Variants in LMTK3 observed in about 807,000 individuals in gnomAD.
The protein encoded by LMTK3 is lemur tail kinase 3, also known as serine/threonine-protein kinase LMTK3.
In LMTK3, 27 loss-of-function variants were observed where a neutral mutation model predicts 116.7. The observed-to-expected ratio is 0.23, with a 90% confidence interval of 0.17 to 0.32. The LOEUF is 0.32. Ranked by LOEUF, LMTK3 falls within the 10% of genes least tolerant of loss-of-function variation. LMTK3 has a pLI of 1.00. For synonymous variants in LMTK3, 965 were observed against 971.0 expected, an observed-to-expected ratio of 0.99 and a Z score of 0.11; for missense variants, 1,764 against 2,068.5, an observed-to-expected ratio of 0.85 and a Z score of 2.86.
chr19:48,512,733 TAC>T, upstream of LMTK3, among the ~76,000 whole-genome samples: 1 of 151,702 alleles, frequency 6.6e-6, no homozygotes, highest in African/African-American at 2.4e-5. Flanking sequence ...CTCACATGGA[TAC>T]ACACAGACAC....
chr19:48,486,573 T>C (rs1397699680), intron 14 of LMTK3, among the ~76,000 whole-genome samples: 2 of 152,092 alleles, frequency 1.3e-5, no homozygotes, highest in Admixed American at 6.6e-5. Context: ...AGTCTTGCTC[T>C]GTTGCCCAGA....
At chr19:48,503,400 C>T (rs1972506703) in intron 5 of LMTK3, among the ~76,000 whole-genome samples, 1 of 151,992 alleles carries the variant, frequency 6.6e-6, no homozygotes, top group Non-Finnish European at 1.5e-5. Flanking sequence ...TCTCCTCGAC[C>T]ACACCCCACT....
chr19:48,503,101 T>TTATG (rs1053633496), intron 5 of LMTK3, 105 bp from the exon 6 acceptor site: 6 of 732,358 alleles, frequency 8.2e-6, no homozygotes, highest in African/African-American at 1.8e-5. Context: ...TTTTTGTTGT[T>TTATG]TTTGTTTGTT....
intron 14 of LMTK3, among the ~76,000 whole-genome samples, chr19:48,486,649 T>G (rs1972129679): frequency 6.6e-6 from 1 of 151,992 alleles, no homozygotes; most frequent in South Asian, 2.1e-4. Context: ...GCCATTCTCC[T>G]GCCTCAGCTT....
rs749898421 is a variant in LMTK3, at chr19:48,498,237, C to T, written c.2832G>A (p.Ala944=). The part of the protein sequence containing the change: ...QRAPGIEEKA[A]ENGALGSPER... ...CGGGGGACCCCAGGGCCCCATTCTCCGCCGCCTTCTCCTCGATGCCTGGGG... is the reference window on the plus strand; with the variant it reads ...CGGGGGACCCCAGGGCCCCATTCTCTGCCGCCTTCTCCTCGATGCCTGGGG... The change falls in exon 11 of 15, where the codon GCG becomes GCA. Residue 944 remains alanine (A), a synonymous_variant. Coordinates refer to ENST00000600059, the MANE Select transcript of LMTK3 (RefSeq NM_001388485.1). 20 of 1,613,236 alleles carry T rather than the reference C, an allele frequency of 1.2e-5. No homozygotes were observed. The highest frequency in any genetic ancestry group is 1.0e-4 in the Admixed American group (6 of 59,958).
Position 48,498,296 on chromosome 19 carries a change from C to T in LMTK3, c.2773G>A (p.Gly925Arg), listed in dbSNP as rs1375564964. Residue 925 changes from glycine (G) to arginine (R), a missense_variant, in exon 11 of 15, where the codon GGG (glycine) becomes AGG (arginine). Gly to Arg is a moderately radical substitution (Grantham distance 125). Transcript: ENST00000600059. ...QAPSLSLPVN[G>R]VTVLENGDQR... ...TCCCCGTTCTCCAGCACTGTCACCC[C>T]GTTCACTGGGAGGCTCAGGCTTGGG... 3 of 1,613,230 alleles carry T rather than the reference C, an allele frequency of 1.9e-6. No individual in the cohort carries two copies. The highest frequency in any genetic ancestry group is 1.1e-5 in the South Asian group (1 of 91,054).
In LMTK3 at chr19:48,485,674, AGGC is replaced by A. The variant is rs1972109848; in HGVS notation, c.*96_*98del. On this transcript the variant is annotated 3_prime_UTR_variant, in exon 15 of 15. Transcript: ENST00000600059. ...GGCCCAGCCTCGGGGGCCTCCCCAGAGGCGGCGTCTGCGGTGGTGGCAGTGGCG... is the reference window on the plus strand; with the variant it reads ...GGCCCAGCCTCGGGGGCCTCCCCAGAGGCGTCTGCGGTGGTGGCAGTGGCG... The A allele has an allele frequency of 1.5e-6, 2 of 1,366,632 alleles. No homozygotes were observed. Among genetic ancestry groups the A allele is most frequent in the Non-Finnish European group, 2.0e-6 (2 of 979,906 alleles). 84.7% of individuals were successfully genotyped at this position (1,366,632 alleles called of 1,614,324 possible).
chr19:48,496,568 G>A (rs555008930), intron 11 of LMTK3, among the ~76,000 whole-genome samples: 91 of 152,306 alleles, frequency 6.0e-4, no homozygotes, highest in South Asian at 1.2e-3. Flanking sequence ...CAAAGTGCTG[G>A]GATTACAGGC....
chr19:48,501,203 C>T, intron 9 of LMTK3, 58 bp from the exon 10 acceptor site: 1 of 1,605,204 alleles, frequency 6.2e-7, no homozygotes, highest in Admixed American at 1.7e-5. Context: ...CCTCATTTTC[C>T]CCATCTGTAG....
At chr19:48,509,940 C>T in intron 3 of LMTK3, 83 bp downstream of exon 3, 2 of 1,510,962 alleles carry the variant, frequency 1.3e-6, no homozygotes, top group Non-Finnish European at 1.8e-6. Flanking sequence ...TCTCAACCGC[C>T]CCAGCCCCTG....
rs1216441417 is a variant in LMTK3 at position 48,508,836 on chromosome 19, A to G, written c.557+15T>C. 6.3e-7 allele frequency: 1 copy of G among 1,599,900 alleles called. No homozygotes were observed. Among genetic ancestry groups the G allele is most frequent in the East Asian group, 2.2e-5 (1 of 44,820 alleles). ...ACCTCAACAAGGCACACACCCACTG[A>G]GAAACCCTCAGTACCTGTACGGCTG... On this transcript the variant is annotated intron_variant, in intron 5 of 14. Coordinates refer to ENST00000600059, the MANE Select transcript of LMTK3 (RefSeq NM_001388485.1).
chr19:48,507,438 T>A (rs1601057435), intron 5 of LMTK3, among the ~76,000 whole-genome samples: 1 of 152,266 alleles, frequency 6.6e-6, no homozygotes, highest in East Asian at 1.9e-4. Context: ...CTGCTGCTAG[T>A]AGAGACCTGC....
rs747399561 is a variant in LMTK3 at position 48,501,414 on chromosome 19, C to A, written c.880-10G>T. 6.3e-5 allele frequency: 101 copies of A among 1,612,836 alleles called. No homozygotes were observed. In the South Asian group the frequency reaches 1.1e-3, roughly 17 times the overall value. On this transcript the variant is annotated splice_polypyrimidine_tract_variant and intron_variant, in intron 8 of 14. Coordinates refer to ENST00000600059, the MANE Select transcript of LMTK3 (RefSeq NM_001388485.1). ...TCAGGTAGTAGTCCTCCTGAGGGAACCAGGGCGGTGTCAGGCGGGTCAGGG... is the reference window on the plus strand; with the variant it reads ...TCAGGTAGTAGTCCTCCTGAGGGAAACAGGGCGGTGTCAGGCGGGTCAGGG...
In LMTK3 at chr19:48,497,489, C is replaced by G; in HGVS notation, c.3580G>C (p.Asp1194His). 1 of 1,484,184 alleles carries G rather than the reference C, an allele frequency of 6.7e-7. No homozygotes were observed. The highest frequency in any genetic ancestry group is 1.4e-5 in the South Asian group (1 of 71,544). 91.9% of individuals were successfully genotyped at this position (1,484,184 alleles called of 1,614,324 possible). A position where few individuals can be genotyped will look rare whatever the true frequency, so the allele number is the denominator to read the frequency against. Reference protein sequence around the residue: ...RAGGDTALSGDGDPPKPERKG... With the variant: ...RAGGDTALSGHGDPPKPERKG... ...CTCTCGGGCTTGGGGGGGTCCCCGT[C>G]TCCGCTGAGTGCCGTGTCTCCGCCG... The change falls in exon 11 of 15, where the codon GAC (aspartate) becomes CAC (histidine). Residue 1194 changes from aspartate (D) to histidine (H), a missense_variant. Around this residue, in one of 7 missense-constraint regions of LMTK3, gnomAD observed 1,028 missense variants for 1,050.6 expected, o/e 0.98. Transcript: ENST00000600059. This position sits in a 1 kb window ranked among gnomAD's most constrained non-coding sequence, Gnocchi z 5.7.
rs1047088493 is a variant in LMTK3, at chr19:48,500,926, G to A, written c.1151+70C>T. ...ACGGGATGTGGGTGATGTGGGAAAC[G>A]AGGGGGGATGCTGGGACCATCCTGG... On this transcript the variant is annotated intron_variant, in intron 10 of 14. Coordinates refer to ENST00000600059, the MANE Select transcript of LMTK3 (RefSeq NM_001388485.1). This position sits in a 1 kb window ranked among gnomAD's most constrained non-coding sequence, Gnocchi z 4.0. The A allele has an allele frequency of 1.3e-5, 18 of 1,407,322 alleles. No homozygotes were observed. Among genetic ancestry groups the A allele is most frequent in the Middle Eastern group, 2.6e-4 (1 of 3,836 alleles). 87.2% of individuals were successfully genotyped at this position (1,407,322 alleles called of 1,614,324 possible).
chr19:48,510,447 C>A lies in LMTK3; in HGVS notation c.210+12G>T. 2 of 1,591,184 alleles carry A rather than the reference C, an allele frequency of 1.3e-6. No individual in the cohort carries two copies. The highest frequency in any genetic ancestry group is 2.3e-5 in the East Asian group (1 of 43,882). ...TCTTCCTCCCCAAGTTGAATCCCCT[C>A]ATGCACCTCACCTTGAAGCCGACAT... On this transcript the variant is annotated intron_variant, in intron 2 of 14. Coordinates refer to ENST00000600059, the MANE Select transcript of LMTK3 (RefSeq NM_001388485.1).
In LMTK3 at chr19:48,491,119, G is replaced by T. The variant is rs764330601; in HGVS notation, c.4355C>A (p.Ala1452Asp). 4 of 1,373,054 alleles carry T rather than the reference G, an allele frequency of 2.9e-6. No homozygotes were observed. The highest frequency in any genetic ancestry group is 3.1e-5 in the Admixed American group (1 of 31,794). 85.1% of individuals were successfully genotyped at this position (1,373,054 alleles called of 1,614,324 possible). ...CGAGGATATGGTACCTGCGGGCCGG[G>T]CGTCGGGGGCCCGGGCGGGTGGCCC... The part of the protein sequence containing the change: ...TPGPPARAPD[A>D]RPAGPVEN Residue 1452 changes from alanine to aspartate, a missense_variant, in exon 14 of 15, where the codon GCC (alanine) becomes GAC (aspartate). Physicochemically the swap from Ala to Asp is moderately radical, Grantham distance 126. Transcript: ENST00000600059. The surrounding 1 kb of genome is among the most constrained non-coding windows in gnomAD (Gnocchi z 5.1).
chr19:48,506,299 C>T (rs956310088), intron 5 of LMTK3, among the ~76,000 whole-genome samples: 6 of 151,116 alleles, frequency 4.0e-5, no homozygotes, highest in African/African-American at 1.5e-4. Context: ...TGTGTGTCTT[C>T]TCCACTAGGG....
chr19:48,504,119 C>T (rs1819461486), intron 5 of LMTK3, among the ~76,000 whole-genome samples: 1 of 152,180 alleles, frequency 6.6e-6, no homozygotes, highest in African/African-American at 2.4e-5. Flanking sequence ...ACGCCCGCCT[C>T]AGCCTCCCAA....
Sources: allele counts gnomAD v4.1 joint callset (sites outside exome capture counted in the v4.1 genomes callset), GRCh38; gene constraint gnomAD v4.1.1; regional missense constraint gnomAD v4.1.1; non-coding constraint Gnocchi (gnomAD v3.1); transcripts MANE v1.5; gene names NCBI Gene and HGNC (gene_info 2026-07-23, HGNC 2026-07-21).